The following DCC variants were observed in gnomAD, a reference collection of about 807,000 sequenced individuals.
DCC encodes the protein DCC netrin 1 receptor, also known as netrin receptor DCC.
DCC carries 58 observed loss-of-function variants against 172.5 expected under a neutral mutation model. That is an observed-to-expected ratio of 0.34 (90% CI 0.27 to 0.42). The LOEUF is 0.42. Among genes scored for constraint, DCC ranks in the 10% least tolerant of loss-of-function variants. The pLI, the probability that DCC is intolerant of heterozygous loss-of-function variation, is 1.00. For missense variants in DCC, 1,740 were observed against 1,791.0 expected, an observed-to-expected ratio of 0.97 and a Z score of 0.51; for synonymous variants, 709 against 644.5, an observed-to-expected ratio of 1.10 and a Z score of -1.52.
intron 5 of DCC, among the ~76,000 whole-genome samples, chr18:53,044,097 T>A (rs1287807992): frequency 6.6e-6 from 1 of 151,886 alleles, no homozygotes; most frequent in African/African-American, 2.4e-5. Context: ...TAAGGAGGTA[T>A]TACCTTTGAG....
intron 2 of DCC, among the ~76,000 whole-genome samples, chr18:52,833,979 C>A (rs1411813246): frequency 6.6e-6 from 1 of 152,012 alleles, no homozygotes; most frequent in Non-Finnish European, 1.5e-5. Flanking sequence ...ATAAGCAGGT[C>A]AGTCTGCCAA....
chr18:53,137,929 C>T (rs961066332), intron 7 of DCC, among the ~76,000 whole-genome samples: 2 of 151,826 alleles, frequency 1.3e-5, no homozygotes, highest in Non-Finnish European at 1.5e-5. Flanking sequence ...AGTCTTCCCA[C>T]CTCAGCTTCC....
At chr18:53,084,740 C>G (rs150181626) in intron 7 of DCC, among the ~76,000 whole-genome samples, 1 of 152,276 alleles carries the variant, frequency 6.6e-6, no homozygotes, top group East Asian at 1.9e-4. Flanking sequence ...CATGCGAGAC[C>G]TCTAACCCAA....
chr18:53,178,162 T>TTCAGAATGTTC (rs2055137595), intron 8 of DCC, among the ~76,000 whole-genome samples: 1 of 152,172 alleles, frequency 6.6e-6, no homozygotes, highest in Non-Finnish European at 1.5e-5. Context: ...TCAGAAGGTG[T>TTCAGAATGTTC]AGAATTATGT....
intron 7 of DCC, among the ~76,000 whole-genome samples, chr18:53,115,205 C>A (rs2043392160): frequency 6.6e-6 from 1 of 151,484 alleles, no homozygotes; most frequent in Admixed American, 6.6e-5. Context: ...TGGTTGTATG[C>A]CAATGATGGT....
At chr18:52,374,986 T>G (rs1438987818) in intron 1 of DCC, among the ~76,000 whole-genome samples, 1 of 152,234 alleles carries the variant, frequency 6.6e-6, no homozygotes, top group East Asian at 1.9e-4. Context: ...GAACATTGAC[T>G]TGTCTACATG....
chr18:52,488,954 C>T (rs1403268485), intron 1 of DCC, among the ~76,000 whole-genome samples: 2 of 152,012 alleles, frequency 1.3e-5, no homozygotes, highest in African/African-American at 4.8e-5. Context: ...CCGCCTCTTC[C>T]CCCTTCTTCT....
chr18:52,584,566 G>T (rs561308652), intron 1 of DCC, among the ~76,000 whole-genome samples: 1 of 152,050 alleles, frequency 6.6e-6, no homozygotes, highest in Non-Finnish European at 1.5e-5. Flanking sequence ...CTCTGTCGAT[G>T]GACAACTTTG....
chr18:52,806,425 A>C (rs1828645959), intron 2 of DCC, among the ~76,000 whole-genome samples: 1 of 152,200 alleles, frequency 6.6e-6, no homozygotes, highest in Non-Finnish European at 1.5e-5. Flanking sequence ...TGTTACCATC[A>C]AGCCAGTGCT....
At chr18:52,831,225 G>T (rs140704992) in intron 2 of DCC, among the ~76,000 whole-genome samples, 1 of 152,138 alleles carries the variant, frequency 6.6e-6, no homozygotes, top group Non-Finnish European at 1.5e-5. Context: ...AGTATGTCTA[G>T]AGTGAAGTGA....
At chr18:53,086,923 A>G (rs1362143448) in intron 7 of DCC, among the ~76,000 whole-genome samples, 1 of 151,698 alleles carries the variant, frequency 6.6e-6, no homozygotes, top group Non-Finnish European at 1.5e-5. Context: ...CCTACAAAGG[A>G]CATGAACTCA....
chr18:53,038,080 G>A (rs554542876), intron 5 of DCC, among the ~76,000 whole-genome samples: 116 of 151,990 alleles, frequency 7.6e-4, no homozygotes, highest in African/African-American at 2.6e-3. Context: ...AATATTTAGC[G>A]CTGTTATCTT....
chr18:52,927,489 A>C (rs1194396010), intron 5 of DCC, among the ~76,000 whole-genome samples: 2 of 151,966 alleles, frequency 1.3e-5, no homozygotes, highest in African/African-American at 4.8e-5. Context: ...TAAACTTCTC[A>C]TATTTCATTG....
At chr18:53,342,212 G>A (rs1394670481) in intron 15 of DCC, among the ~76,000 whole-genome samples, 1 of 151,912 alleles carries the variant, frequency 6.6e-6, no homozygotes, top group African/African-American at 2.4e-5. Flanking sequence ...TCAGCTTCAG[G>A]ACTGGAAATA....
chr18:53,086,007 C>CTTATTATTATTATTATTATTATTATTA (rs1599113255), intron 7 of DCC, among the ~76,000 whole-genome samples: 2 of 22,424 alleles, frequency 8.9e-5, no homozygotes, highest in East Asian at 8.3e-4. Flanking sequence ...CCTTCTTCTC[C>CTTATTATTATTATTATTATTATTATTA]TTCTCCTTCT....
intron 5 of DCC, among the ~76,000 whole-genome samples, chr18:53,055,393 G>A (rs1417890126): frequency 1.3e-5 from 2 of 152,100 alleles, no homozygotes; most frequent in East Asian, 3.9e-4. Context: ...AATTGTCAGA[G>A]CACCCAAGCA....
chr18:52,920,710 G>C (rs2040110701), intron 3 of DCC, among the ~76,000 whole-genome samples: 1 of 152,056 alleles, frequency 6.6e-6, no homozygotes, highest in Non-Finnish European at 1.5e-5. Flanking sequence ...TTTATGTCCT[G>C]ATAAAAATGT....
At chr18:52,970,345 T>G (rs1423592084) in intron 5 of DCC, among the ~76,000 whole-genome samples, 1 of 152,132 alleles carries the variant, frequency 6.6e-6, no homozygotes, top group African/African-American at 2.4e-5. Context: ...CTGTAACATT[T>G]AATTTATCTG....
chr18:53,150,022 C>T (rs759428707), intron 7 of DCC, among the ~76,000 whole-genome samples: 2 of 152,172 alleles, frequency 1.3e-5, no homozygotes, highest in South Asian at 2.1e-4. Context: ...TAGGAAGCAT[C>T]GTTATGTGAA....
Sources: gnomAD v4.1 joint callset for allele counts (sites outside exome capture counted in the v4.1 genomes callset) on GRCh38, gnomAD v4.1.1 for gene constraint, MANE v1.5 for transcripts, NCBI Gene and HGNC (gene_info 2026-07-23, HGNC 2026-07-21) for gene names.